The following TAF15 variants were observed in gnomAD, a reference collection of about 807,000 sequenced individuals.
The protein encoded by TAF15 is TATA-box binding protein associated factor 15.
Under a neutral mutation model 102.5 loss-of-function variants are expected in TAF15, and 37 were observed. The observed-to-expected ratio is 0.36, with a 90% CI of 0.28 to 0.47. TAF15 has a LOEUF of 0.47. Ranked by LOEUF, TAF15 falls within the 20% of genes least tolerant of loss-of-function variation. The pLI is 0.99. For synonymous variants in TAF15, 273 were observed against 259.2 expected, an observed-to-expected ratio of 1.05 and a Z score of -0.51; for missense variants, 652 against 760.7, an observed-to-expected ratio of 0.86 and a Z score of 1.68.
Position 35,824,065 on chromosome 17 carries a change from T to C in TAF15, c.485-13T>C, listed in dbSNP as rs1333981595. 1 of 1,614,124 alleles carries C rather than the reference T, an allele frequency of 6.2e-7. No homozygotes were observed. On this transcript the variant is annotated splice_polypyrimidine_tract_variant and intron_variant, in intron 6 of 15. Coordinates refer to ENST00000605844, the MANE Select transcript of TAF15 (RefSeq NM_139215.3). ...AGAGTGGTTATTTGTGTGTAATATT[T>C]TCTTTTTTGTAGATGACCGTCGTGA...
intron 7 of TAF15, among the ~76,000 whole-genome samples, chr17:35,831,508 A>G (rs1243348944): frequency 6.6e-6 from 1 of 151,964 alleles, no homozygotes; most frequent in East Asian, 1.9e-4. Flanking sequence ...TATTTTTGCC[A>G]GGGGTATGTC....
At chr17:35,834,497 C>T in intron 8 of TAF15, 69 bp from the exon 9 acceptor site, 1 of 1,489,016 alleles carries the variant, frequency 6.7e-7, no homozygotes, top group Non-Finnish European at 9.3e-7. Context: ...TGGTTTATTA[C>T]TATTTTTTTT....
At position 35,824,085 on chromosome 17, in the gene TAF15, T is replaced by A. The variant is rs1234752839; in HGVS notation, c.492T>A (p.Arg164=). The part of the protein sequence containing the change: ...ENYSHHTQDD[R]RDVSRYGEDN... Reference sequence around the variant, plus strand: ...ATATTTTCTTTTTTGTAGATGACCGTCGTGATGTGAGTAGGTATGGAGAAG... The same window carrying A: ...ATATTTTCTTTTTTGTAGATGACCGACGTGATGTGAGTAGGTATGGAGAAG... Residue 164 remains arginine, a synonymous_variant, in exon 7 of 16, where the codon CGT becomes CGA. Coordinates refer to ENST00000605844, the MANE Select transcript of TAF15 (RefSeq NM_139215.3). The A allele has an allele frequency of 3.1e-6, 5 of 1,614,028 alleles. No homozygotes were observed. Among genetic ancestry groups the A allele is most frequent in the Non-Finnish European group, 4.2e-6 (5 of 1,180,006 alleles).
intron 7 of TAF15, among the ~76,000 whole-genome samples, chr17:35,828,669 T>C (rs1187393931): frequency 6.6e-6 from 1 of 151,990 alleles, no homozygotes; most frequent in Non-Finnish European, 1.5e-5. Context: ...AGTTCAAGGC[T>C]GCAGTGAGCT....
At chr17:35,832,995 A>G (rs772323839) in intron 7 of TAF15, among the ~76,000 whole-genome samples, 1 of 152,076 alleles carries the variant, frequency 6.6e-6, no homozygotes, top group Non-Finnish European at 1.5e-5. Flanking sequence ...CATCTCTACT[A>G]AAAACACAGA....
At chr17:35,843,027 C>T (rs1005994002) in intron 12 of TAF15, among the ~76,000 whole-genome samples, 3 of 152,054 alleles carry the variant, frequency 2.0e-5, no homozygotes, top group Non-Finnish European at 4.4e-5. Context: ...CCGTGCTTGG[C>T]GAGGCAATTG....
chr17:35,846,719 G>A (rs1455351992), intron 15 of TAF15, among the ~76,000 whole-genome samples, 187 bp from the exon 16 acceptor site: 1 of 152,206 alleles, frequency 6.6e-6, no homozygotes, highest in Non-Finnish European at 1.5e-5. Context: ...TAGGAACTTT[G>A]TGAATCTTAA....
At chr17:35,814,846 C>G (rs560268610) in intron 1 of TAF15, among the ~76,000 whole-genome samples, 3 of 148,900 alleles carry the variant, frequency 2.0e-5, no homozygotes, top group South Asian at 2.1e-4. Context: ...GAGTGAGACT[C>G]TGTCTCAAAA....
At chr17:35,811,363 A>G (rs923340008) in intron 1 of TAF15, 4 of 152,222 alleles carry the variant, frequency 2.6e-5, no homozygotes, top group African/African-American at 9.7e-5. Flanking sequence ...ATTTTTTAAA[A>G]TACGAAATTG....
At chr17:35,827,944 C>T (rs554364645) in intron 7 of TAF15, among the ~76,000 whole-genome samples, 1 of 152,118 alleles carries the variant, frequency 6.6e-6, no homozygotes, top group Admixed American at 6.5e-5. Context: ...AAGAAAATTT[C>T]TTACTGTCAT....
chr17:35,844,252 G>C, intron 13 of TAF15, 28 bp from the exon 14 acceptor site: 1 of 1,613,290 alleles, frequency 6.2e-7, no homozygotes. Flanking sequence ...AAACTATATA[G>C]GAGCATTATA....
chr17:35,828,796 G>A (rs1302947710), intron 7 of TAF15, among the ~76,000 whole-genome samples: 2 of 143,012 alleles, frequency 1.4e-5, no homozygotes, highest in Non-Finnish European at 3.1e-5. Context: ...AAAAAAAAAA[G>A]TACTGTACAT....
intron 10 of TAF15, among the ~76,000 whole-genome samples, chr17:35,837,920 T>TA (rs1359386405): frequency 4.6e-5 from 7 of 151,982 alleles, no homozygotes; most frequent in African/African-American, 7.2e-5. Context: ...CTGATTCCTG[T>TA]AATCAGCACT....
At chr17:35,842,840 C>T (rs558136639) in intron 12 of TAF15, among the ~76,000 whole-genome samples, 1 of 152,142 alleles carries the variant, frequency 6.6e-6, no homozygotes, top group East Asian at 1.9e-4. Flanking sequence ...TCAAGTGATT[C>T]TCCTGCCTCA....
chr17:35,819,381 A>G (rs574590862), intron 2 of TAF15, among the ~76,000 whole-genome samples: 7 of 152,320 alleles, frequency 4.6e-5, no homozygotes, highest in South Asian at 4.1e-4. Context: ...TTAATATTCA[A>G]ATCCCAGGAG....
rs1410089082 is a variant in TAF15 at position 35,842,452 on chromosome 17, G to A, written c.999G>A (p.Gly333=). ...TGAGAGGAGGTGGAAGTGGAGGTGGGCGGCGAGGTAAGATCCTTGCTGCGT... is the reference window on the plus strand; with the variant it reads ...TGAGAGGAGGTGGAAGTGGAGGTGGACGGCGAGGTAAGATCCTTGCTGCGT... ...EFMRGGGSGG[G]RRGRGGYRGR... is the part of the protein sequence containing the mutation. The change falls in exon 12 of 16, where the codon GGG becomes GGA. Residue 333 remains glycine, a synonymous_variant. Coordinates refer to ENST00000605844, the MANE Select transcript of TAF15 (RefSeq NM_139215.3). The A allele has an allele frequency of 6.2e-7, 1 of 1,613,716 alleles. No homozygotes were observed. Among genetic ancestry groups the A allele is most frequent in the East Asian group, 2.2e-5 (1 of 44,882 alleles).
At chr17:35,840,247 CTTTTTTT>C (rs370455465) in intron 11 of TAF15, among the ~76,000 whole-genome samples, 8 of 119,404 alleles carry the variant, frequency 6.7e-5, no homozygotes, top group Non-Finnish European at 1.4e-4. Flanking sequence ...CGTTATTTTC[CTTTTTTT>C]TTTTTTTTTT....
At chr17:35,833,755 T>C in intron 7 of TAF15, 152 bp from the exon 8 acceptor site, 1 of 726,798 alleles carries the variant, frequency 1.4e-6, no homozygotes. Context: ...AAACAACATT[T>C]AGAACTCTGT....
chr17:35,817,671 AC>A, intron 1 of TAF15, 44 bp from the exon 2 acceptor site: 1 of 1,568,882 alleles, frequency 6.4e-7, no homozygotes, highest in South Asian at 1.1e-5. Context: ...CTTTGAAGGA[AC>A]CATAATTTTA....
Sources: allele counts gnomAD v4.1 joint callset (sites outside exome capture counted in the v4.1 genomes callset), GRCh38; gene constraint gnomAD v4.1.1; transcripts MANE v1.5; gene names NCBI Gene and HGNC (gene_info 2026-07-23, HGNC 2026-07-21).